ALS2: variants seen among roughly 807,000 people sequenced by gnomAD.
ALS2 encodes alsin.
A neutral mutation model predicts 203.4 loss-of-function variants in ALS2; 117 were observed. The ratio of observed to expected loss-of-function variants is 0.58; its 90% CI spans 0.50 to 0.67. The LOEUF (loss-of-function observed/expected upper bound fraction) is 0.67, where lower values mean the gene tolerates loss of function less well. Ranked by LOEUF, ALS2 falls within the 30% of genes least tolerant of loss-of-function variation. The probability of loss-of-function intolerance (pLI) is 0.00; values close to 1 mark genes in which losing one functional copy is unlikely to be tolerated. For missense variants in ALS2, 1,715 were observed against 1,989.4 expected (o/e 0.86, Z 2.62); for synonymous variants, 718 against 725.9 (o/e 0.99, Z 0.17).
rs543139724 is a variant in ALS2 at position 201,701,821 on chromosome 2, G to A, written c.*30C>T. 6.2e-7 allele frequency: 1 copy of A among 1,609,012 alleles called. No individual in the cohort carries two copies. The highest frequency in any genetic ancestry group is 8.5e-7 in the Non-Finnish European group (1 of 1,175,740). On this transcript the variant is annotated 3_prime_UTR_variant, in exon 34 of 34. Coordinates refer to ENST00000264276, the MANE Select transcript of ALS2 (RefSeq NM_020919.4). Reference sequence around the variant, plus strand: ...GATGGTGTTATAACACTCTGTAGTAGATAATCCAGTTTTCAAGCTGTTATG... The same window carrying A: ...GATGGTGTTATAACACTCTGTAGTAAATAATCCAGTTTTCAAGCTGTTATG...
At chr2:201,728,085 G>A (rs1421885038) in intron 15 of ALS2, among the ~76,000 whole-genome samples, 1 of 152,070 alleles carries the variant, frequency 6.6e-6, no homozygotes, top group Non-Finnish European at 1.5e-5. Flanking sequence ...AGCTAAAATA[G>A]CCTCTTTTTT....
In ALS2 at chr2:201,753,087, C is replaced by A. The variant is rs543055408; in HGVS notation, c.1737+59G>T. 12 of 1,343,056 alleles carry A rather than the reference C, an allele frequency of 8.9e-6. No homozygotes were observed. In the East Asian group the frequency reaches 9.2e-5, roughly 10 times the overall value. 83.2% of individuals were successfully genotyped at this position (1,343,056 alleles called of 1,614,324 possible). A position where few individuals can be genotyped will look rare whatever the true frequency, so the allele number is the denominator to read the frequency against. On this transcript the variant is annotated intron_variant, in intron 7 of 33. Transcript: ENST00000264276. ...AGATAATCAACAAATGAGGGTCCAACAATGTCATGTTGGCCTTCCATGAAA... is the reference window on the plus strand; with the variant it reads ...AGATAATCAACAAATGAGGGTCCAAAAATGTCATGTTGGCCTTCCATGAAA...
At chr2:201,723,002 G>T (rs962526843) in intron 23 of ALS2, 41 bp downstream of exon 23, 20 of 1,459,158 alleles carry the variant, frequency 1.4e-5, no homozygotes, top group South Asian at 2.5e-5. Context: ...ATTAGTAAAA[G>T]AATTTATTAG....
At position 201,701,839 on chromosome 2, in the gene ALS2, C is replaced by T. The variant is rs764255147; in HGVS notation, c.*12G>A. On this transcript the variant is annotated 3_prime_UTR_variant, in exon 34 of 34. Coordinates refer to ENST00000264276, the MANE Select transcript of ALS2 (RefSeq NM_020919.4). Reference sequence around the variant, plus strand: ...TGTAGTAGATAATCCAGTTTTCAAGCTGTTATGCAGCCTAGTTAAGCTTCT... The same window carrying T: ...TGTAGTAGATAATCCAGTTTTCAAGTTGTTATGCAGCCTAGTTAAGCTTCT... 5.0e-6 allele frequency: 8 copies of T among 1,613,262 alleles called. No homozygotes were observed. The African/African-American group carries it at 9.4e-5, about 19-fold the overall frequency.
At position 201,761,742 on chromosome 2, in the gene ALS2, T is replaced by G; in HGVS notation, c.252A>C (p.Leu84=). ...CATATTGCCCAACCAGGGCATTTTC[T>G]AGAATGGGGCTACTTGGACAAATCT... ...PVEICPSSPI[L]ENALVGQYVI... The change falls in exon 4 of 34, where the codon CTA becomes CTC. Residue 84 remains leucine (L), a synonymous_variant. Transcript: ENST00000264276. 1.2e-6 allele frequency: 2 copies of G among 1,614,032 alleles called. No homozygotes were observed.
chr2:201,776,620 C>T (rs1694674224), intron 1 of ALS2, among the ~76,000 whole-genome samples: 1 of 152,082 alleles, frequency 6.6e-6, no homozygotes, highest in African/African-American at 2.4e-5. Flanking sequence ...ACTACTTATT[C>T]CGTTAATATT....
At chr2:201,724,520 C>T in intron 20 of ALS2, 61 bp from the exon 21 acceptor site, 2 of 1,573,378 alleles carry the variant, frequency 1.3e-6, no homozygotes, top group Non-Finnish European at 1.7e-6. Context: ...CTCATTTTTA[C>T]AAAGTTTAGA....
Position 201,761,216 on chromosome 2 carries a change from C to T in ALS2, c.778G>A (p.Gly260Ser). Residue 260 changes from glycine (G) to serine (S), a missense_variant, in exon 4 of 34, where the codon GGT (glycine) becomes AGT (serine). This residue lies in a region of ALS2 where 476 missense variants were observed against 539.3 expected (regional missense o/e 0.88). Coordinates refer to ENST00000264276, the MANE Select transcript of ALS2 (RefSeq NM_020919.4). ...GCCTGAGATTCTGTCAGTGTCACACCTAATGGGCAACAATGACTGTCTGAT... is the reference window on the plus strand; with the variant it reads ...GCCTGAGATTCTGTCAGTGTCACACTTAATGGGCAACAATGACTGTCTGAT... ...IISDSHCCPL[G>S]VTLTESQAEN... 6.2e-7 allele frequency: 1 copy of T among 1,614,158 alleles called. No individual in the cohort carries two copies. Among genetic ancestry groups the T allele is most frequent in the South Asian group, 1.1e-5 (1 of 91,084 alleles).
intron 28 of ALS2, among the ~76,000 whole-genome samples, chr2:201,707,623 T>A (rs115996502): frequency 2.6e-5 from 4 of 151,482 alleles, no homozygotes; most frequent in Admixed American, 2.0e-4. Context: ...AGAGATGGGG[T>A]CTCCCTATCT....
chr2:201,729,656 G>A (rs575963290), intron 13 of ALS2, among the ~76,000 whole-genome samples: 14 of 152,052 alleles, frequency 9.2e-5, no homozygotes, highest in South Asian at 6.2e-4. Context: ...CGAGGCAGGC[G>A]GATCACGAGG....
chr2:201,704,079 C>A (rs1263787766), intron 33 of ALS2, 43 bp downstream of exon 33: 3 of 1,524,298 alleles, frequency 2.0e-6, no homozygotes, highest in Non-Finnish European at 2.7e-6. Flanking sequence ...AAATGAAAGA[C>A]AGATATGAAG....
intron 26 of ALS2, among the ~76,000 whole-genome samples, 169 bp from the exon 27 acceptor site, chr2:201,710,207 C>G (rs1559034256): frequency 6.6e-6 from 1 of 152,062 alleles, no homozygotes; most frequent in Non-Finnish European, 1.5e-5. Context: ...ACTGTCTACC[C>G]CAATTATATG....
chr2:201,772,850 A>ATT (rs578253808), intron 1 of ALS2, among the ~76,000 whole-genome samples: 2,840 of 108,706 alleles, frequency 0.026, 82 homozygotes, highest in African/African-American at 0.042. Flanking sequence ...TGCTTTCATG[A>ATT]TTTTTTTTTT....
intron 4 of ALS2, among the ~76,000 whole-genome samples, chr2:201,758,064 G>A (rs961676104): frequency 1.3e-5 from 2 of 152,136 alleles, no homozygotes; most frequent in Non-Finnish European, 2.9e-5. Flanking sequence ...AGTAAAAAGG[G>A]AGGGAGAAGA....
At chr2:201,773,984 T>C (rs1006621879) in intron 1 of ALS2, among the ~76,000 whole-genome samples, 1 of 152,152 alleles carries the variant, frequency 6.6e-6, no homozygotes, top group Non-Finnish European at 1.5e-5. Flanking sequence ...CAGTGGTTTG[T>C]TTGGGCACTG....
intron 27 of ALS2, among the ~76,000 whole-genome samples, chr2:201,708,477 G>A (rs1284002757): frequency 2.0e-5 from 3 of 152,076 alleles, no homozygotes; most frequent in Non-Finnish European, 4.4e-5. Context: ...TAAAGTCTGG[G>A]CTTCTGGTGT....
intron 11 of ALS2, among the ~76,000 whole-genome samples, chr2:201,740,319 A>G (rs1692190951): frequency 6.6e-6 from 1 of 152,212 alleles, no homozygotes; most frequent in African/African-American, 2.4e-5. Flanking sequence ...CTTTATAATT[A>G]TAAAAATAAT....
intron 3 of ALS2, 33 bp downstream of exon 3, chr2:201,767,196 A>C: frequency 2.5e-6 from 4 of 1,613,728 alleles, no homozygotes; most frequent in Non-Finnish European, 3.4e-6. Flanking sequence ...TTAGCATTGC[A>C]GTTCGTATTT....
chr2:201,761,303 G>T lies in ALS2; in HGVS notation c.691C>A (p.Arg231=). The T allele has an allele frequency of 1.2e-6, 2 of 1,614,118 alleles. No individual in the cohort carries two copies. The highest frequency in any genetic ancestry group is 1.7e-6 in the Non-Finnish European group (2 of 1,180,030). ...PSQDLKPVPE[R]CNQCSQLLIT... is the part of the protein sequence containing the mutation. ...AAGAGCTGGCTGCACTGGTTGCATC[G>T]TTCTGGGACTGGCTTCAGATCCTGG... is the stretch of plus-strand genomic sequence containing the variant. The change falls in exon 4 of 34, where the codon CGA becomes AGA. Residue 231 remains arginine, a synonymous_variant. Coordinates refer to ENST00000264276, the MANE Select transcript of ALS2 (RefSeq NM_020919.4).
Sources: allele counts gnomAD v4.1 joint callset (sites outside exome capture counted in the v4.1 genomes callset), GRCh38; gene constraint gnomAD v4.1.1; regional missense constraint gnomAD v4.1.1; transcripts MANE v1.5; gene names NCBI Gene and HGNC (gene_info 2026-07-23, HGNC 2026-07-21).